The following ZFAND4 variants were observed in gnomAD, a reference collection of about 807,000 sequenced individuals.
ZFAND4 encodes the protein AN1-type zinc finger protein 4.
Under a neutral mutation model 64.4 loss-of-function variants are expected in ZFAND4, and 43 were observed. The ratio of observed to expected loss-of-function variants is 0.67; its 90% CI spans 0.52 to 0.86. The LOEUF (loss-of-function observed/expected upper bound fraction) is 0.86, where lower values mean the gene tolerates loss of function less well. Ranked by LOEUF, ZFAND4 falls within the 40% of genes least tolerant of loss-of-function variation. The pLI, the probability that ZFAND4 is intolerant of heterozygous loss-of-function variation, is 0.00. For synonymous variants in ZFAND4, 296 were observed against 305.7 expected (o/e 0.97, Z 0.33); for missense variants, 929 against 859.8 (o/e 1.08, Z -1.01).
chr10:45,627,954 AT>A (rs2045951378), intron 6 of ZFAND4, among the ~76,000 whole-genome samples: 1 of 152,146 alleles, frequency 6.6e-6, no homozygotes, highest in African/African-American at 2.4e-5. Flanking sequence ...TTTTGCTGTA[AT>A]AAGTACAACT....
chr10:45,643,692 A>G (rs1450081504), intron 5 of ZFAND4, among the ~76,000 whole-genome samples: 1 of 149,406 alleles, frequency 6.7e-6, no homozygotes, highest in Non-Finnish European at 1.5e-5. Context: ...AAAAAAAAAA[A>G]TACCAGTAAG....
intron 5 of ZFAND4, among the ~76,000 whole-genome samples, chr10:45,641,350 T>A (rs2046985389): frequency 6.6e-6 from 1 of 152,240 alleles, no homozygotes; most frequent in South Asian, 2.1e-4. Flanking sequence ...CTAGGTTATC[T>A]ACACTATGGA....
intron 6 of ZFAND4, among the ~76,000 whole-genome samples, chr10:45,631,334 C>CA (rs2046206753): frequency 6.9e-6 from 1 of 145,260 alleles, no homozygotes; most frequent in Non-Finnish European, 1.5e-5. Context: ...AAAAAAATTC[C>CA]AAAAAAGAAA....
chr10:45,628,539 C>G (rs1000654545), intron 6 of ZFAND4, among the ~76,000 whole-genome samples: 3 of 152,050 alleles, frequency 2.0e-5, no homozygotes, highest in Non-Finnish European at 4.4e-5. Context: ...GAACCCCTGA[C>G]CTCAGGTGAT....
chr10:45,625,316 C>CA (rs888234655), intron 7 of ZFAND4, among the ~76,000 whole-genome samples: 10 of 142,698 alleles, frequency 7.0e-5, no homozygotes, highest in East Asian at 2.0e-4. Context: ...ACTAAAAATA[C>CA]AAAAAAAATT....
At position 45,639,963 on chromosome 10, in the gene ZFAND4, A is replaced by C; in HGVS notation, c.570T>G (p.Ser190Arg). The C allele has an allele frequency of 1.2e-6, 2 of 1,600,598 alleles. No individual in the cohort carries two copies. Among genetic ancestry groups the C allele is most frequent in the Non-Finnish European group, 1.7e-6 (2 of 1,176,952 alleles). Reference sequence around the variant, plus strand: ...TATCTGAATTATACATAGAACCACCACTGCAAAGAAAACAATAACTACTTG... The same window carrying C: ...TATCTGAATTATACATAGAACCACCCCTGCAAAGAAAACAATAACTACTTG... ...VLRRKGEHRM[S>R]GGSMYNSDTD... The change falls in exon 6 of 10, where the codon AGT becomes AGG. Residue 190 changes from serine (S) to arginine (R), a missense_variant and splice_region_variant. Transcript: ENST00000344646.
At chr10:45,639,282 A>C (rs1436808729) in intron 6 of ZFAND4, among the ~76,000 whole-genome samples, 2 of 152,202 alleles carry the variant, frequency 1.3e-5, no homozygotes, top group Non-Finnish European at 2.9e-5. Flanking sequence ...TAAACATATG[A>C]AAGGTGCTCA....
chr10:45,629,437 G>T (rs2046059685), intron 6 of ZFAND4, among the ~76,000 whole-genome samples: 1 of 152,140 alleles, frequency 6.6e-6, no homozygotes, highest in Non-Finnish European at 1.5e-5. Context: ...AAATTGAAAG[G>T]AAAAGGCAAC....
chr10:45,662,098 G>A (rs112931143), intron 2 of ZFAND4, among the ~76,000 whole-genome samples: 21 of 152,072 alleles, frequency 1.4e-4, no homozygotes, highest in African/African-American at 4.8e-4. Flanking sequence ...TTAAGCCACC[G>A]GTCTGTGGTA....
At position 45,652,044 on chromosome 10, in the gene ZFAND4, T is replaced by C; in HGVS notation, c.261-11A>G. 5.0e-6 allele frequency: 8 copies of C among 1,613,328 alleles called. No individual in the cohort carries two copies. Among genetic ancestry groups the C allele is most frequent in the Non-Finnish European group, 6.8e-6 (8 of 1,179,432 alleles). On this transcript the variant is annotated splice_polypyrimidine_tract_variant and intron_variant, in intron 3 of 9. Coordinates refer to ENST00000344646, the MANE Select transcript of ZFAND4 (RefSeq NM_174890.4). ...CACCCTTCTGAAATGCTGTGGATAG[T>C]TAACACAAAAATAAATCATAATCAT...
chr10:45,657,365 A>G (rs2048196905), intron 2 of ZFAND4, among the ~76,000 whole-genome samples: 1 of 152,218 alleles, frequency 6.6e-6, no homozygotes, highest in African/African-American at 2.4e-5. Context: ...AACCACAGTG[A>G]AATATTTCCA....
At chr10:45,641,522 A>C (rs1403862544) in intron 5 of ZFAND4, among the ~76,000 whole-genome samples, 1 of 152,242 alleles carries the variant, frequency 6.6e-6, no homozygotes, top group Admixed American at 6.5e-5. Flanking sequence ...ATGGTGCAAC[A>C]TGAAATGTTC....
Position 45,651,971 on chromosome 10 carries a change from C to G in ZFAND4, c.323G>C (p.Arg108Thr). The change falls in exon 4 of 10, where the codon AGA (arginine) becomes ACA (threonine). Residue 108 changes from arginine to threonine, a missense_variant. Physicochemically the swap from Arg to Thr is moderately conservative, Grantham distance 71. Coordinates refer to ENST00000344646, the MANE Select transcript of ZFAND4 (RefSeq NM_174890.4). ...LAMRGGPINT[R>T]RVPTDDPLRK... is the part of the protein sequence containing the mutation. ...TAATATATATATATGCCTACCTCTTCTAGTATTTATAGGTCCGCCACGCAT... is the reference window on the plus strand; with the variant it reads ...TAATATATATATATGCCTACCTCTTGTAGTATTTATAGGTCCGCCACGCAT... 6.2e-7 allele frequency: 1 copy of G among 1,613,372 alleles called. No homozygotes were observed. The highest frequency in any genetic ancestry group is 1.1e-5 in the South Asian group (1 of 91,052).
intron 1 of ZFAND4, among the ~76,000 whole-genome samples, chr10:45,668,548 T>G (rs1221453604): frequency 6.6e-6 from 1 of 152,230 alleles, no homozygotes; most frequent in Non-Finnish European, 1.5e-5. Flanking sequence ...GCCTTACATG[T>G]GAGTGGGCTA....
chr10:45,662,518 C>A, intron 2 of ZFAND4: 1 of 854,422 alleles, frequency 1.2e-6, no homozygotes, highest in African/African-American at 1.8e-5. Flanking sequence ...ATCCTTTAAA[C>A]TATGATATAA....
chr10:45,663,572 A>T lies in ZFAND4; in HGVS notation c.154T>A (p.Ser52Thr), dbSNP rs751648215. 13 of 1,602,140 alleles carry T rather than the reference A, an allele frequency of 8.1e-6. No individual in the cohort carries two copies. In the South Asian group the frequency reaches 1.5e-4, roughly 18 times the overall value. ...AATCTTCGAATTTTTGCTTTCACAG[A>T]AATAACAGTTTCAAAAGGTGAAACT... ...LRVSPFETVI[S>T]VKAKIRRLEG... The change falls in exon 2 of 10, where the codon TCT (serine) becomes ACT (threonine). Residue 52 changes from serine to threonine, a missense_variant. Physicochemically the swap from Ser to Thr is moderately conservative, Grantham distance 58. Coordinates refer to ENST00000344646, the MANE Select transcript of ZFAND4 (RefSeq NM_174890.4).
intron 2 of ZFAND4, among the ~76,000 whole-genome samples, chr10:45,656,501 CAAAAAA>C (rs541781976): frequency 0.016 from 383 of 24,692 alleles, 1 homozygote; most frequent in African/African-American, 0.071. Context: ...GAACCTGTCT[CAAAAAA>C]AAAAAAAAAA....
At chr10:45,648,571 A>G (rs1414217843) in intron 4 of ZFAND4, 37 bp from the exon 5 acceptor site, 2 of 1,567,750 alleles carry the variant, frequency 1.3e-6, no homozygotes, top group Non-Finnish European at 8.6e-7. Context: ...TTCAATTTGG[A>G]TCAAGTTTTA....
intron 9 of ZFAND4, 100 bp downstream of exon 9, chr10:45,618,040 T>A (rs2045129895): frequency 8.0e-7 from 1 of 1,253,156 alleles, no homozygotes; most frequent in Non-Finnish European, 1.1e-6. Flanking sequence ...ATCATCTTAA[T>A]GATGTTATAA....
Sources: allele counts gnomAD v4.1 joint callset (sites outside exome capture counted in the v4.1 genomes callset), GRCh38; gene constraint gnomAD v4.1.1; transcripts MANE v1.5; gene names NCBI Gene and HGNC (gene_info 2026-07-23, HGNC 2026-07-21).